Variants in FGFR1 observed in about 807,000 individuals in gnomAD.
FGFR1 encodes the protein FGFR1/PLAG1 fusion.
FGFR1 carries 18 observed loss-of-function variants against 93.7 expected under a neutral mutation model. That is an observed-to-expected ratio of 0.19 (90% CI 0.13 to 0.28). The LOEUF (loss-of-function observed/expected upper bound fraction) is 0.28, where lower values mean the gene tolerates loss of function less well. Among genes scored for constraint, FGFR1 ranks in the 10% least tolerant of loss-of-function variants. The probability of loss-of-function intolerance (pLI) is 1.00; values close to 1 mark genes in which losing one functional copy is unlikely to be tolerated. For synonymous variants in FGFR1, 448 were observed against 429.3 expected, an observed-to-expected ratio of 1.04 and a Z score of -0.54; for missense variants, 731 against 1,080.4, an observed-to-expected ratio of 0.68 and a Z score of 4.53.
intron 15 of FGFR1, 109 bp from the exon 16 acceptor site, chr8:38,414,398 A>G: frequency 6.3e-7 from 1 of 1,576,698 alleles, no homozygotes; most frequent in South Asian, 1.1e-5. Flanking sequence ...AGAACAGATC[A>G]GCCTTTCAAC....
intron 2 of FGFR1, among the ~76,000 whole-genome samples, chr8:38,436,546 A>C (rs944194407): frequency 6.6e-6 from 1 of 152,096 alleles, no homozygotes; most frequent in African/African-American, 2.4e-5. Flanking sequence ...CCTGGGTCAA[A>C]GCAGCTGGCG....
intron 2 of FGFR1, among the ~76,000 whole-genome samples, chr8:38,446,652 GC>G (rs1464883070): frequency 6.6e-6 from 1 of 152,040 alleles, no homozygotes; most frequent in Non-Finnish European, 1.5e-5. Flanking sequence ...CACTCTATCT[GC>G]CCACCTCGGC....
rs369776263 is a variant in FGFR1, at chr8:38,413,933, G to C, written c.2277C>G (p.Ala759=). ...GCAGCCTTACCTGGTTGGAGGTCAA[G>C]GCCACGATGCGGTCCAGGTCTTCCA... ...QLVEDLDRIV[A]LTSNQEYLDL... is the part of the protein sequence containing the mutation. The change falls in exon 17 of 18, where the codon GCC becomes GCG. Residue 759 remains alanine (A), a synonymous_variant. Coordinates refer to ENST00000447712, the MANE Select transcript of FGFR1 (RefSeq NM_023110.3). This position sits in a 1 kb window ranked among gnomAD's most constrained non-coding sequence, Gnocchi z 4.2. 1 of 1,613,966 alleles carries C rather than the reference G, an allele frequency of 6.2e-7. No individual in the cohort carries two copies. The highest frequency in any genetic ancestry group is 1.3e-5 in the African/African-American group (1 of 74,914).
At chr8:38,453,889 C>T (rs1831885868) in intron 2 of FGFR1, among the ~76,000 whole-genome samples, 1 of 152,090 alleles carries the variant, frequency 6.6e-6, no homozygotes, top group Non-Finnish European at 1.5e-5. Context: ...GAAACTCTGT[C>T]TCTTAAAACC....
chr8:38,426,934 G>A lies in FGFR1; in HGVS notation c.622-689C>T, dbSNP rs561288420. 5.0e-4 allele frequency among the ~76,000 whole-genome samples: 76 copies of A among 152,232 alleles called. No individual in the cohort carries two copies. In the South Asian group the frequency reaches 0.016, roughly 32 times the overall value. On this transcript the variant is annotated intron_variant, in intron 5 of 17. Coordinates refer to ENST00000447712, the MANE Select transcript of FGFR1 (RefSeq NM_023110.3). The surrounding 1 kb of genome is among the most constrained non-coding windows in gnomAD (Gnocchi z 4.1). ...TCAAGACCAGCCTGGCCAACATGGGGAAACCCCGTCTCTACTAAAAATACA... is the reference window on the plus strand; with the variant it reads ...TCAAGACCAGCCTGGCCAACATGGGAAAACCCCGTCTCTACTAAAAATACA...
intron 2 of FGFR1, 25 bp downstream of exon 2, chr8:38,457,331 A>T (rs374672150): frequency 1.2e-5 from 20 of 1,608,908 alleles, no homozygotes; most frequent in Non-Finnish European, 1.7e-5. Context: ...CCAGGAGTCC[A>T]GGCTGCCCCC....
At chr8:38,467,798 G>C (rs956143348) in intron 1 of FGFR1, 183 bp downstream of exon 1, 25 of 231,704 alleles carry the variant, frequency 1.1e-4, no homozygotes, top group African/African-American at 3.3e-4. Context: ...AGGGAGGGGA[G>C]ACCCAAGGGG....
intron 7 of FGFR1, chr8:38,422,934 G>T: frequency 1.4e-6 from 1 of 711,742 alleles, no homozygotes; most frequent in South Asian, 1.6e-5. Context: ...AGGGTGGCAA[G>T]GACAGTCCAG....
At chr8:38,452,200 G>GAC (rs3051753) in intron 2 of FGFR1, among the ~76,000 whole-genome samples, 1,693 of 139,114 alleles carry the variant, frequency 0.012, 14 homozygotes, top group African/African-American at 0.012. Flanking sequence ...CAGACACACA[G>GAC]ACACACACAC....
Position 38,413,237 on chromosome 8 carries a change from G to A in FGFR1, c.*391C>T, listed in dbSNP as rs764328455. ...GACAAGGCACCTGCCACCAGAGTGC[G>A]AGGGGCTTATGGGTGAAGGCAAAAC... On this transcript the variant is annotated 3_prime_UTR_variant, in exon 18 of 18. Coordinates refer to ENST00000447712, the MANE Select transcript of FGFR1 (RefSeq NM_023110.3). This position sits in a 1 kb window ranked among gnomAD's most constrained non-coding sequence, Gnocchi z 4.2. 131 of 311,416 alleles carry A rather than the reference G, an allele frequency of 4.2e-4. No individual in the cohort carries two copies. Among genetic ancestry groups the A allele is most frequent in the Non-Finnish European group, 6.7e-4 (112 of 166,698 alleles). 19.3% of individuals were successfully genotyped at this position (311,416 alleles called of 1,614,324 possible).
intron 2 of FGFR1, among the ~76,000 whole-genome samples, chr8:38,450,165 G>T (rs1202687984): frequency 6.6e-6 from 1 of 152,206 alleles, no homozygotes; most frequent in African/African-American, 2.4e-5. Flanking sequence ...AATTATTTAG[G>T]GTGCAGTGGG....
At chr8:38,453,175 C>T (rs1831634884) in intron 2 of FGFR1, among the ~76,000 whole-genome samples, 1 of 152,176 alleles carries the variant, frequency 6.6e-6, no homozygotes. Flanking sequence ...TATGTGAAAG[C>T]ACCACACTCA....
intron 2 of FGFR1, among the ~76,000 whole-genome samples, chr8:38,436,416 C>T (rs541459237): frequency 6.6e-6 from 1 of 152,194 alleles, no homozygotes; most frequent in South Asian, 2.1e-4. Flanking sequence ...GGGCCTTATG[C>T]TTTGATGCCA....
At position 38,434,554 on chromosome 8, in the gene FGFR1, T is replaced by C. The variant is rs545784780; in HGVS notation, c.92-4606A>G. On this transcript the variant is annotated intron_variant, in intron 2 of 17. Coordinates refer to ENST00000447712, the MANE Select transcript of FGFR1 (RefSeq NM_023110.3). ...TCACCACAAGGAGATTTTCTTATAG[T>C]GATTCTCAAAGTCTTGGCAGGCATT... 2.4e-5 allele frequency: 7 copies of C among 292,570 alleles called. 1 individual carries two copies. The highest frequency in any genetic ancestry group is 2.0e-5 in the Non-Finnish European group (3 of 146,512). The allele number at this position is 292,570 out of a possible 1,614,324, so 18.1% of individuals were successfully genotyped here.
At chr8:38,416,845 C>T (rs1184222268) in intron 12 of FGFR1, among the ~76,000 whole-genome samples, 3 of 152,142 alleles carry the variant, frequency 2.0e-5, no homozygotes, top group Non-Finnish European at 2.9e-5. Context: ...CTCCACCTCC[C>T]GGGTTCAAGC....
chr8:38,450,258 C>T (rs1246629770), intron 2 of FGFR1, among the ~76,000 whole-genome samples: 1 of 152,170 alleles, frequency 6.6e-6, no homozygotes, highest in Admixed American at 6.5e-5. Flanking sequence ...AAGGCCTGGG[C>T]CGCCCCGTTC....
At chr8:38,453,834 G>A (rs889614820) in intron 2 of FGFR1, among the ~76,000 whole-genome samples, 4 of 152,182 alleles carry the variant, frequency 2.6e-5, no homozygotes, top group Non-Finnish European at 5.9e-5. Context: ...AGAGGTTGCA[G>A]TAAGCCAAGA....
At chr8:38,432,774 T>C (rs747796363) in intron 2 of FGFR1, among the ~76,000 whole-genome samples, 8 of 152,038 alleles carry the variant, frequency 5.3e-5, no homozygotes, top group Non-Finnish European at 7.4e-5. Context: ...TGACATTATT[T>C]TCCTGATCAA....
At chr8:38,465,850 C>T (rs907156124) in intron 1 of FGFR1, 4 of 221,798 alleles carry the variant, frequency 1.8e-5, no homozygotes, top group African/African-American at 6.7e-5. Flanking sequence ...AGCGCTGGTC[C>T]GGAGGTGCAA....
Sources: allele counts gnomAD v4.1 joint callset (sites outside exome capture counted in the v4.1 genomes callset), GRCh38; gene constraint gnomAD v4.1.1; non-coding constraint Gnocchi (gnomAD v3.1); transcripts MANE v1.5; gene names NCBI Gene and HGNC (gene_info 2026-07-23, HGNC 2026-07-21).